The following EVL variants were observed in gnomAD, a reference collection of about 807,000 sequenced individuals.
EVL encodes ena/VASP-like protein.
EVL carries 21 observed loss-of-function variants against 59.6 expected under a neutral mutation model. The observed-to-expected ratio is 0.35, with a 90% confidence interval of 0.25 to 0.51. The LOEUF (loss-of-function observed/expected upper bound fraction) is 0.51, where lower values mean the gene tolerates loss of function less well. Among genes scored for constraint, EVL ranks in the 20% least tolerant of loss-of-function variants. The pLI is 0.97. For synonymous variants in EVL, 198 were observed against 203.5 expected (o/e 0.97, Z 0.23); for missense variants, 462 against 546.6 (o/e 0.85, Z 1.54).
chr14:100,119,468 T>C (rs1469091418), intron 3 of EVL, among the ~76,000 whole-genome samples: 1 of 152,146 alleles, frequency 6.6e-6, no homozygotes, highest in Non-Finnish European at 1.5e-5. Context: ...TCCCGTATAC[T>C]TCAGGGGGCC....
chr14:99,988,450 A>G (rs1388215131), intron 1 of EVL, among the ~76,000 whole-genome samples: 1 of 152,238 alleles, frequency 6.6e-6, no homozygotes. Flanking sequence ...GAATGTGGAT[A>G]AACCTCACAT....
At chr14:99,995,704 C>T (rs1465697402) in intron 1 of EVL, among the ~76,000 whole-genome samples, 1 of 152,138 alleles carries the variant, frequency 6.6e-6, no homozygotes, top group East Asian at 1.9e-4. Flanking sequence ...AAAAACAGCA[C>T]CCCTCCCAGT....
intron 1 of EVL, among the ~76,000 whole-genome samples, chr14:100,016,720 TG>T (rs1160161059): frequency 2.0e-5 from 3 of 152,204 alleles, no homozygotes; most frequent in African/African-American, 7.2e-5. Context: ...TCTGACACTT[TG>T]GTGTTATCAG....
intron 3 of EVL, among the ~76,000 whole-genome samples, chr14:100,099,858 C>T (rs901188324): frequency 1.3e-5 from 2 of 151,940 alleles, no homozygotes; most frequent in Non-Finnish European, 2.9e-5. Context: ...CAGGCGTGAG[C>T]CACTGCGCCC....
chr14:100,047,116 C>CTTTTTTT (rs1158933445), intron 1 of EVL, among the ~76,000 whole-genome samples: 24 of 28,450 alleles, frequency 8.4e-4, no homozygotes, highest in South Asian at 2.3e-3. Flanking sequence ...AGATCTCTCT[C>CTTTTTTT]TCTTTTTTTT....
intron 3 of EVL, among the ~76,000 whole-genome samples, chr14:100,105,732 G>A (rs760428358): frequency 6.6e-6 from 1 of 151,952 alleles, no homozygotes; most frequent in Non-Finnish European, 1.5e-5. Flanking sequence ...CCAAGGGGAC[G>A]ATGGCTGTAG....
chr14:100,104,902 C>CTTT (rs568203851), intron 3 of EVL, among the ~76,000 whole-genome samples: 3 of 99,524 alleles, frequency 3.0e-5, no homozygotes, highest in Non-Finnish European at 5.7e-5. Flanking sequence ...CCTCTCTTTA[C>CTTT]TTTTTTTTTT....
At chr14:100,088,229 T>TG (rs1002011313) in intron 2 of EVL, among the ~76,000 whole-genome samples, 19 of 152,216 alleles carry the variant, frequency 1.2e-4, no homozygotes, top group Admixed American at 3.9e-4. Context: ...CCAAAGCCTT[T>TG]GCCAGTCTGT....
intron 4 of EVL, among the ~76,000 whole-genome samples, chr14:100,126,112 C>T (rs951418801): frequency 2.0e-5 from 3 of 152,228 alleles, no homozygotes; most frequent in Non-Finnish European, 4.4e-5. Context: ...CCTCACTCAG[C>T]TTGCCTTTAA....
At chr14:100,045,585 A>G (rs1327932443) in intron 1 of EVL, among the ~76,000 whole-genome samples, 1 of 152,252 alleles carries the variant, frequency 6.6e-6, no homozygotes, top group Non-Finnish European at 1.5e-5. Flanking sequence ...AGTTGAAAGG[A>G]CGGGATTAAT....
intron 8 of EVL, 124 bp downstream of exon 8, chr14:100,132,903 C>A: frequency 2.8e-6 from 3 of 1,077,842 alleles, no homozygotes; most frequent in South Asian, 1.3e-5. Context: ...TCAGGTGATT[C>A]ACAGGAGGGG....
chr14:100,113,129 G>A (rs539604258), intron 3 of EVL, among the ~76,000 whole-genome samples: 13 of 152,274 alleles, frequency 8.5e-5, no homozygotes, highest in South Asian at 4.1e-4. Flanking sequence ...ATGGACAGAC[G>A]TTCACCAGTT....
chr14:99,981,848 T>C (rs1390173965), intron 1 of EVL, among the ~76,000 whole-genome samples: 3 of 152,328 alleles, frequency 2.0e-5, no homozygotes, highest in Admixed American at 6.5e-5. Context: ...AAACCTTCAA[T>C]TGGTAAAAAA....
At chr14:100,036,831 G>A (rs1480891540) in intron 1 of EVL, among the ~76,000 whole-genome samples, 1 of 152,118 alleles carries the variant, frequency 6.6e-6, no homozygotes, top group African/African-American at 2.4e-5. Flanking sequence ...CTCACTGGTT[G>A]AAGCCCCTGA....
chr14:100,103,316 A>T (rs1172748876), intron 3 of EVL, among the ~76,000 whole-genome samples: 1 of 152,020 alleles, frequency 6.6e-6, no homozygotes, highest in Non-Finnish European at 1.5e-5. Context: ...CCAAGGACAG[A>T]TGTAGAAAAG....
At chr14:100,132,592 G>T (rs534906746) in intron 7 of EVL, 127 bp from the exon 8 acceptor site, 2 of 1,080,000 alleles carry the variant, frequency 1.9e-6, no homozygotes, top group Admixed American at 3.5e-5. Context: ...CCTCCTTCAC[G>T]CCATCGTTTT....
At chr14:100,100,587 T>C (rs1270214942) in intron 3 of EVL, among the ~76,000 whole-genome samples, 2 of 152,110 alleles carry the variant, frequency 1.3e-5, no homozygotes, top group Non-Finnish European at 2.9e-5. Context: ...CTTTTGTTTT[T>C]GTTTTTGAGC....
At chr14:100,124,745 G>A (rs748699380) in intron 4 of EVL, among the ~76,000 whole-genome samples, 7 of 152,184 alleles carry the variant, frequency 4.6e-5, no homozygotes, top group Non-Finnish European at 1.0e-4. Flanking sequence ...ATGGCTAAAT[G>A]GGTACTTCAT....
intron 3 of EVL, among the ~76,000 whole-genome samples, chr14:100,116,914 C>T (rs1031557597): frequency 6.6e-6 from 1 of 152,218 alleles, no homozygotes; most frequent in Non-Finnish European, 1.5e-5. Flanking sequence ...AGGAGAGAGA[C>T]TCCCACACAC....
Sources: gnomAD v4.1 joint callset for allele counts (sites outside exome capture counted in the v4.1 genomes callset) on GRCh38, gnomAD v4.1.1 for gene constraint, MANE v1.5 for transcripts, NCBI Gene and HGNC (gene_info 2026-07-23, HGNC 2026-07-21) for gene names.